KCNJ6: variants seen among roughly 807,000 people sequenced by gnomAD.
KCNJ6 encodes potassium inwardly rectifying channel subfamily J member 6, also known as G protein-activated inward rectifier potassium channel 2.
A neutral mutation model predicts 34.2 loss-of-function variants in KCNJ6; 9 were observed. That is an observed-to-expected ratio of 0.26 (90% CI 0.16 to 0.46). The LOEUF is 0.46. Ranked by LOEUF, KCNJ6 falls within the 20% of genes least tolerant of loss-of-function variation. The pLI, the probability that KCNJ6 is intolerant of heterozygous loss-of-function variation, is 1.00. For synonymous variants in KCNJ6, 196 were observed against 207.1 expected, an observed-to-expected ratio of 0.95 and a Z score of 0.46; for missense variants, 236 against 531.3, an observed-to-expected ratio of 0.44 and a Z score of 5.46.
At chr21:37,635,199 T>C (rs2054352040) in intron 3 of KCNJ6, among the ~76,000 whole-genome samples, 1 of 152,036 alleles carries the variant, frequency 6.6e-6, no homozygotes, top group Non-Finnish European at 1.5e-5. Context: ...TACAAGTATT[T>C]TATATAATAT....
intron 2 of KCNJ6, among the ~76,000 whole-genome samples, chr21:37,821,010 T>C (rs2055370655): frequency 6.6e-6 from 1 of 152,168 alleles, no homozygotes; most frequent in African/African-American, 2.4e-5. Flanking sequence ...ATCTTCTATT[T>C]AAAATGTTTC....
chr21:37,696,527 T>C (rs1190131035), intron 3 of KCNJ6, among the ~76,000 whole-genome samples: 1 of 152,052 alleles, frequency 6.6e-6, no homozygotes, highest in Non-Finnish European at 1.5e-5. Context: ...TCATGAAAGA[T>C]AAGGAAAGAC....
intron 3 of KCNJ6, among the ~76,000 whole-genome samples, chr21:37,682,416 C>T (rs1231549305): frequency 6.6e-6 from 1 of 152,148 alleles, no homozygotes; most frequent in African/African-American, 2.4e-5. Flanking sequence ...TACAAGAAAA[C>T]AAGGGAGCAT....
chr21:37,825,791 G>A (rs1335982846), intron 2 of KCNJ6, among the ~76,000 whole-genome samples: 2 of 152,194 alleles, frequency 1.3e-5, no homozygotes, highest in Admixed American at 1.3e-4. Flanking sequence ...AAGAACAAAG[G>A]CGTGTCCTAC....
At chr21:37,646,887 A>G (rs2054407532) in intron 3 of KCNJ6, among the ~76,000 whole-genome samples, 1 of 151,956 alleles carries the variant, frequency 6.6e-6, no homozygotes, top group African/African-American at 2.4e-5. Context: ...GTTAGCCAAG[A>G]CTGTCTCCAT....
At chr21:37,667,928 T>A in intron 3 of KCNJ6, among the ~76,000 whole-genome samples, 1 of 151,388 alleles carries the variant, frequency 6.6e-6, no homozygotes, top group Non-Finnish European at 1.5e-5. Context: ...AGTGGTGTCC[T>A]CCTCCAGGAG....
chr21:37,657,675 T>C (rs1412939840), intron 3 of KCNJ6, among the ~76,000 whole-genome samples: 1 of 152,244 alleles, frequency 6.6e-6, no homozygotes, highest in African/African-American at 2.4e-5. Flanking sequence ...CCTCACTTTC[T>C]GGACTCAGTG....
intron 2 of KCNJ6, among the ~76,000 whole-genome samples, chr21:37,839,125 G>C (rs527900902): frequency 6.6e-6 from 1 of 152,236 alleles, no homozygotes; most frequent in African/African-American, 2.4e-5. Flanking sequence ...ACCCAGTCTC[G>C]GGTAATTCTT....
At chr21:37,717,540 G>C (rs2054799820) in intron 2 of KCNJ6, among the ~76,000 whole-genome samples, 2 of 152,182 alleles carry the variant, frequency 1.3e-5, no homozygotes, top group African/African-American at 2.4e-5. Flanking sequence ...CTACATGGCA[G>C]GGTGTTCTTG....
At position 37,854,378 on chromosome 21, in the gene KCNJ6, G is replaced by A. The variant is rs554036386; in HGVS notation, c.-27-13669C>T. ...AAGATTAAATAATGGAGAATATTAC[G>A]TTAAGTGAAGTAAGCCAGGCGCAGA... On this transcript the variant is annotated intron_variant, in intron 1 of 3. Coordinates refer to ENST00000609713, the MANE Select transcript of KCNJ6 (RefSeq NM_002240.5). Among the ~76,000 whole-genome samples the A allele has an allele frequency of 1.7e-3, 261 of 152,168 alleles. 1 individual carries two copies. Among genetic ancestry groups the A allele is most frequent in the African/African-American group, 5.9e-3 (247 of 41,532 alleles).
chr21:37,691,505 C>T (rs1223274481), intron 3 of KCNJ6, among the ~76,000 whole-genome samples: 1 of 152,204 alleles, frequency 6.6e-6, no homozygotes, highest in Non-Finnish European at 1.5e-5. Context: ...GAACTATTGA[C>T]ACCTATTGAA....
intron 2 of KCNJ6, among the ~76,000 whole-genome samples, chr21:37,778,041 C>T (rs1232494630): frequency 6.6e-6 from 1 of 152,136 alleles, no homozygotes; most frequent in Non-Finnish European, 1.5e-5. Flanking sequence ...AAGCTGGGAG[C>T]AGATGTTTGA....
At chr21:37,751,479 G>A (rs190746662) in intron 2 of KCNJ6, among the ~76,000 whole-genome samples, 70 of 152,300 alleles carry the variant, frequency 4.6e-4, no homozygotes, top group East Asian at 3.5e-3. Flanking sequence ...ACACTCATAC[G>A]TAAGAGCACC....
intron 2 of KCNJ6, among the ~76,000 whole-genome samples, chr21:37,792,195 C>T (rs2055220101): frequency 6.6e-6 from 1 of 152,190 alleles, no homozygotes; most frequent in South Asian, 2.1e-4. Context: ...AATGCTTGTG[C>T]ATCAGCTGCA....
intron 2 of KCNJ6, among the ~76,000 whole-genome samples, chr21:37,765,593 C>T (rs1002262225): frequency 2.0e-5 from 3 of 152,102 alleles, no homozygotes; most frequent in Non-Finnish European, 4.4e-5. Flanking sequence ...AAATCCTGGT[C>T]GAGATTTAAG....
rs141259262 is a variant in KCNJ6 at position 37,784,291 on chromosome 21, C to T, written c.25+56367G>A. Among the ~76,000 whole-genome samples the T allele has an allele frequency of 8.5e-4, 129 of 152,320 alleles. 1 individual carries two copies. The highest frequency in any genetic ancestry group is 3.0e-3 in the African/African-American group (126 of 41,564). ...GACCCTCTACCCTGGAGCCATCTCT[C>T]CCAGCCCCACAAGTTAAAGTCCCAC... On this transcript the variant is annotated intron_variant, in intron 2 of 3. Transcript: ENST00000609713.
At chr21:37,628,973 C>A (rs762039056) in intron 3 of KCNJ6, among the ~76,000 whole-genome samples, 3 of 152,130 alleles carry the variant, frequency 2.0e-5, no homozygotes, top group Non-Finnish European at 4.4e-5. Context: ...AGAAATGAAG[C>A]CATTCCATGA....
intron 1 of KCNJ6, among the ~76,000 whole-genome samples, chr21:37,891,376 C>T (rs549697872): frequency 2.0e-5 from 3 of 152,066 alleles, no homozygotes; most frequent in Non-Finnish European, 4.4e-5. Context: ...TGCACGGACA[C>T]AGGCATGTAC....
At position 37,712,771 on chromosome 21, in the gene KCNJ6, C is replaced by A. The variant is rs115816918; in HGVS notation, c.946+1440G>T. Among the ~76,000 whole-genome samples, 391 of 117,718 alleles carry A rather than the reference C, an allele frequency of 3.3e-3. 19 individuals are homozygous for A. Among genetic ancestry groups the A allele is most frequent in the African/African-American group, 0.013 (373 of 29,350 alleles). 77.2% of individuals were successfully genotyped at this position (117,718 alleles called of 152,430 possible). A position where few individuals can be genotyped will look rare whatever the true frequency, so the allele number is the denominator to read the frequency against. ...CCTTCCTCCCCTTCCTCCTCCCCTGCCTTCCCTTCTACTTCTCCCTTCTAT... is the reference window on the plus strand; with the variant it reads ...CCTTCCTCCCCTTCCTCCTCCCCTGACTTCCCTTCTACTTCTCCCTTCTAT... On this transcript the variant is annotated intron_variant, in intron 3 of 3. Transcript: ENST00000609713.
Sources: allele counts gnomAD v4.1 joint callset (sites outside exome capture counted in the v4.1 genomes callset), GRCh38; gene constraint gnomAD v4.1.1; transcripts MANE v1.5; gene names NCBI Gene and HGNC (gene_info 2026-07-23, HGNC 2026-07-21).